ADD2: variants seen among roughly 807,000 people sequenced by gnomAD.
ADD2 encodes adducin 2.
A neutral mutation model predicts 83.0 loss-of-function variants in ADD2; 23 were observed. The ratio of observed to expected loss-of-function variants is 0.28; its 90% CI spans 0.20 to 0.39. The LOEUF (loss-of-function observed/expected upper bound fraction) is 0.39, where lower values mean the gene tolerates loss of function less well. ADD2 is among the 10% of genes least tolerant of loss of function. The probability of loss-of-function intolerance (pLI) is 1.00; values close to 1 mark genes in which losing one functional copy is unlikely to be tolerated. For synonymous variants in ADD2, 375 were observed against 375.4 expected, an observed-to-expected ratio of 1.00 and a Z score of 0.01; for missense variants, 758 against 944.9, an observed-to-expected ratio of 0.80 and a Z score of 2.59.
In ADD2 at chr2:70,712,981, A is replaced by C. The variant is rs1553375721; in HGVS notation, c.-35+85T>G. Reference sequence around the variant, plus strand: ...TGTCTGGAAGCTCATCCTCATGCAAAGGGCCTTGTCTGTACCTCACGTGAT... The same window carrying C: ...TGTCTGGAAGCTCATCCTCATGCAACGGGCCTTGTCTGTACCTCACGTGAT... On this transcript the variant is annotated intron_variant, in intron 2 of 15. Coordinates refer to ENST00000264436, the MANE Select transcript of ADD2 (RefSeq NM_001617.4). 6.9e-6 allele frequency: 3 copies of C among 436,924 alleles called. No homozygotes were observed. In the East Asian group the frequency reaches 4.7e-4, roughly 68 times the overall value. 27.1% of individuals were successfully genotyped at this position (436,924 alleles called of 1,614,324 possible). A position where few individuals can be genotyped will look rare whatever the true frequency, so the allele number is the denominator to read the frequency against.
At chr2:70,721,266 AT>A (rs1217249686) in intron 1 of ADD2, among the ~76,000 whole-genome samples, 3 of 152,062 alleles carry the variant, frequency 2.0e-5, no homozygotes, top group Non-Finnish European at 4.4e-5. Flanking sequence ...CAAAATTCAC[AT>A]GGATTTTAAT....
At chr2:70,737,876 G>A (rs1673667501) in intron 1 of ADD2, among the ~76,000 whole-genome samples, 1 of 152,070 alleles carries the variant, frequency 6.6e-6, no homozygotes, top group Non-Finnish European at 1.5e-5. Context: ...CACAAGTCAT[G>A]GGTAAAACAC....
chr2:70,670,220 T>C (rs1418117537), intron 15 of ADD2, among the ~76,000 whole-genome samples: 1 of 152,214 alleles, frequency 6.6e-6, no homozygotes, highest in Non-Finnish European at 1.5e-5. Flanking sequence ...TTGGAGAACA[T>C]GGTAGATAAA....
At position 70,727,893 on chromosome 2, in the gene ADD2, CAATAAATAAATAAATA is replaced by C. The variant is rs60082478; in HGVS notation, c.-153-14725_-153-14710del. ...CCTGGGCGACAGAGGGAGACTCTGTCAATAAATAAATAAATAAATAAATAAATAAATAAATAAATAA... is the reference window on the plus strand; with the variant it reads ...CCTGGGCGACAGAGGGAGACTCTGTCAATAAATAAATAAATAAATAAATAA... On this transcript the variant is annotated intron_variant, in intron 1 of 15. Transcript: ENST00000264436. Among the ~76,000 whole-genome samples, 821 of 140,484 alleles carry C rather than the reference CAATAAATAAATAAATA, an allele frequency of 5.8e-3. 4 individuals are homozygous for C. Among genetic ancestry groups the C allele is most frequent in the African/African-American group, 0.021 (784 of 37,368 alleles). The allele number at this position is 140,484 out of a possible 152,430, so 92.2% of individuals were successfully genotyped here. A position where few individuals can be genotyped will look rare whatever the true frequency, so the allele number is the denominator to read the frequency against.
At position 70,730,349 on chromosome 2, in the gene ADD2, C is replaced by T. The variant is rs569575792; in HGVS notation, c.-153-17165G>A. 1.1e-4 allele frequency among the ~76,000 whole-genome samples: 16 copies of T among 152,330 alleles called. No homozygotes were observed. In the South Asian group the frequency reaches 2.3e-3, roughly 22 times the overall value. Reference sequence around the variant, plus strand: ...CTTCAAAAGGCAGACCCCCTCCACCCGTCATGGGCCTATGGGCCAAAATTA... The same window carrying T: ...CTTCAAAAGGCAGACCCCCTCCACCTGTCATGGGCCTATGGGCCAAAATTA... On this transcript the variant is annotated intron_variant, in intron 1 of 15. Coordinates refer to ENST00000264436, the MANE Select transcript of ADD2 (RefSeq NM_001617.4).
chr2:70,674,203 G>A (rs890279776), intron 14 of ADD2, among the ~76,000 whole-genome samples: 6 of 152,288 alleles, frequency 3.9e-5, no homozygotes, highest in Non-Finnish European at 7.3e-5. Context: ...AGGAACAAGG[G>A]CATACAAGCT....
chr2:70,680,333 C>T (rs2104260301), intron 10 of ADD2, among the ~76,000 whole-genome samples: 1 of 152,296 alleles, frequency 6.6e-6, no homozygotes, highest in South Asian at 2.1e-4. Context: ...GTGTTAAATT[C>T]TCATATATTT....
chr2:70,678,998 G>A, intron 10 of ADD2, 37 bp from the exon 11 acceptor site: 1 of 1,555,776 alleles, frequency 6.4e-7, no homozygotes, highest in South Asian at 1.2e-5. Context: ...TATGGGGTGA[G>A]AAAAAAGGCC....
chr2:70,726,511 T>A (rs1673010149), intron 1 of ADD2, among the ~76,000 whole-genome samples: 1 of 152,214 alleles, frequency 6.6e-6, no homozygotes. Flanking sequence ...TCATCCTTTT[T>A]GCTAGGGGTG....
intron 1 of ADD2, 48 bp downstream of exon 1, chr2:70,767,838 G>A (rs1364700739): frequency 1.3e-6 from 2 of 1,530,404 alleles, no homozygotes; most frequent in Admixed American, 4.0e-5. Context: ...CGCGCCAGGA[G>A]ACCAGCGACC....
intron 9 of ADD2, among the ~76,000 whole-genome samples, chr2:70,686,921 A>G (rs1670757341): frequency 6.6e-6 from 1 of 152,176 alleles, no homozygotes; most frequent in South Asian, 2.1e-4. Context: ...CGACACTTCC[A>G]GGCAGATCTC....
chr2:70,746,582 G>A (rs1368069607), intron 1 of ADD2, among the ~76,000 whole-genome samples: 2 of 152,172 alleles, frequency 1.3e-5, no homozygotes, highest in Non-Finnish European at 2.9e-5. Flanking sequence ...GGGGCAATTA[G>A]GATTCTAACT....
At chr2:70,752,548 G>C (rs1674561440) in intron 1 of ADD2, among the ~76,000 whole-genome samples, 1 of 152,152 alleles carries the variant, frequency 6.6e-6, no homozygotes, top group African/African-American at 2.4e-5. Context: ...ATGTTTTGGA[G>C]GACTGAGCCA....
In ADD2 at chr2:70,659,141, C is replaced by G. The variant is rs1239847867; in HGVS notation, c.*4284G>C. 9.4e-6 allele frequency: 1 copy of G among 106,330 alleles called. No homozygotes were observed. The highest frequency in any genetic ancestry group is 1.1e-4 in the Admixed American group (1 of 9,484). The allele number at this position is 106,330 out of a possible 1,614,324, so 6.6% of individuals were successfully genotyped here. On this transcript the variant is annotated 3_prime_UTR_variant, in exon 16 of 16. Transcript: ENST00000264436. The stretch of plus-strand genomic sequence containing the variant: ...GCCTGGGCAACAAAGAGCAAAGCTC[C>G]GTCTAAAAAAAAAAAAAAAAAAAAA...
At chr2:70,723,424 A>C (rs1672830618) in intron 1 of ADD2, among the ~76,000 whole-genome samples, 2 of 150,380 alleles carry the variant, frequency 1.3e-5, no homozygotes, top group African/African-American at 4.9e-5. Context: ...TCTGGATTCT[A>C]TCTAGTCAGC....
At chr2:70,690,262 A>G (rs1670960446) in intron 8 of ADD2, among the ~76,000 whole-genome samples, 1 of 151,994 alleles carries the variant, frequency 6.6e-6, no homozygotes, top group Admixed American at 6.6e-5. Context: ...AAGCTTCACT[A>G]ATTTTTGTAT....
Position 70,724,705 on chromosome 2 carries a change from G to A in ADD2, c.-153-11521C>T, listed in dbSNP as rs137869541. Among the ~76,000 whole-genome samples the A allele has an allele frequency of 7.3e-4, 111 of 152,334 alleles. 1 individual carries two copies. The highest frequency in any genetic ancestry group is 2.5e-3 in the African/African-American group (105 of 41,578). On this transcript the variant is annotated intron_variant, in intron 1 of 15. Transcript: ENST00000264436. The stretch of plus-strand genomic sequence containing the variant: ...GGACTTGGGGTTGCTGCTGGCCACG[G>A]CTGTGCTTGTGCTCCTCTGACGCAG...
chr2:70,720,719 C>A (rs1672692117), intron 1 of ADD2, among the ~76,000 whole-genome samples: 1 of 152,208 alleles, frequency 6.6e-6, no homozygotes, highest in Admixed American at 6.5e-5. Context: ...GTGTCAGAGA[C>A]AATGCTATGT....
In ADD2 at chr2:70,676,421, T is replaced by G; in HGVS notation, c.1593+375A>C. ...TACCAGGCTCAGAGGTCAGAGACTC[T>G]CAGGGCTGGGCACACCTGGGGCACC... On this transcript the variant is annotated intron_variant, in intron 13 of 15. Transcript: ENST00000264436. The surrounding 1 kb of genome is among the most constrained non-coding windows in gnomAD (Gnocchi z 4.8). 1 of 1,194,320 alleles carries G rather than the reference T, an allele frequency of 8.4e-7. No individual in the cohort carries two copies. The highest frequency in any genetic ancestry group is 1.0e-6 in the Non-Finnish European group (1 of 959,616). 74.0% of individuals were successfully genotyped at this position (1,194,320 alleles called of 1,614,324 possible).
Sources: gnomAD v4.1 joint callset for allele counts (sites outside exome capture counted in the v4.1 genomes callset) on GRCh38, gnomAD v4.1.1 for gene constraint, Gnocchi (gnomAD v3.1) non-coding constraint, MANE v1.5 for transcripts, NCBI Gene and HGNC (gene_info 2026-07-23, HGNC 2026-07-21) for gene names.